The following CUBN variants were observed in gnomAD, a reference collection of about 807,000 sequenced individuals.
CUBN encodes 460 kDa receptor.
A neutral mutation model predicts 405.3 loss-of-function variants in CUBN; 282 were observed. The ratio of observed to expected loss-of-function variants is 0.70; its 90% confidence interval spans 0.63 to 0.77. The LOEUF (loss-of-function observed/expected upper bound fraction) is 0.77, where lower values mean the gene tolerates loss of function less well. CUBN is among the 30% of genes least tolerant of loss of function. The pLI, the probability that CUBN is intolerant of heterozygous loss-of-function variation, is 0.00. For missense variants in CUBN, 4,514 were observed against 4,475.2 expected (o/e 1.01, Z -0.25); for synonymous variants, 1,684 against 1,617.0 (o/e 1.04, Z -0.99).
At chr10:16,839,872 A>G (rs550882309) in intron 62 of CUBN, among the ~76,000 whole-genome samples, 1 of 152,246 alleles carries the variant, frequency 6.6e-6, no homozygotes, top group Non-Finnish European at 1.5e-5. Context: ...CACACCATGG[A>G]ATACTATGCA....
intron 19 of CUBN, among the ~76,000 whole-genome samples, 197 bp from the exon 20 acceptor site, chr10:17,068,967 C>T (rs1184714055): frequency 6.6e-6 from 1 of 152,132 alleles, no homozygotes; most frequent in Non-Finnish European, 1.5e-5. Context: ...AAACCACAGC[C>T]CCAGGCAGCC....
Position 16,900,630 on chromosome 10 carries a change from G to C in CUBN, c.8405C>G (p.Thr2802Ser). 6 of 1,610,736 alleles carry C rather than the reference G, an allele frequency of 3.7e-6. No homozygotes were observed. In the African/African-American group the frequency reaches 6.7e-5, roughly 18 times the overall value. Residue 2802 changes from threonine (T) to serine (S), a missense_variant, in exon 53 of 67, where the codon ACT becomes AGT. Coordinates refer to ENST00000377833, the MANE Select transcript of CUBN (RefSeq NM_001081.4). ...GGAGCAAACATTTCTTTTACCTAAA[G>C]TTTGTGTGTTCCACGTAGCATAAAA... ...GGFYATWNTQ[T>S]LGCGGIFHSD...
intron 11 of CUBN, 53 bp from the exon 12 acceptor site, chr10:17,104,658 C>G: frequency 7.7e-7 from 1 of 1,299,390 alleles, no homozygotes; most frequent in Non-Finnish European, 1.1e-6. Flanking sequence ...AGACACTAAA[C>G]TTTAATCAAC....
chr10:16,941,560 T>C (rs562933962), intron 36 of CUBN, among the ~76,000 whole-genome samples: 1 of 152,234 alleles, frequency 6.6e-6, no homozygotes, highest in East Asian at 1.9e-4. Flanking sequence ...AGAAAATGAA[T>C]AGGCTGCGTG....
rs561949087 is a variant in CUBN at position 16,969,878 on chromosome 10, G to C, written c.4695+12606C>G. Among the ~76,000 whole-genome samples, 9 of 152,270 alleles carry C rather than the reference G, an allele frequency of 5.9e-5. No individual in the cohort carries two copies. In the South Asian group the frequency reaches 6.2e-4, roughly 11 times the overall value. On this transcript the variant is annotated intron_variant, in intron 31 of 66. Transcript: ENST00000377833. ...CATGTGAAGCCTGGTGGCTGCCTGA[G>C]GTTGACTTCAACTTTGAGGATGAAA... is the stretch of plus-strand genomic sequence containing the variant.
intron 28 of CUBN, among the ~76,000 whole-genome samples, chr10:16,994,765 T>C (rs1252928825): frequency 6.6e-6 from 1 of 152,108 alleles, no homozygotes; most frequent in Non-Finnish European, 1.5e-5. Flanking sequence ...GAAAAGCCTT[T>C]CAAAAGAAGA....
chr10:16,829,959 G>A lies in CUBN; in HGVS notation c.10529-919C>T, dbSNP rs1436794861. ...TTTGTTTTGTTTTTTTTTTTGAGAC[G>A]GAGTCTTGCTCCGTCACCCAGGCTG... is the stretch of plus-strand genomic sequence containing the variant. On this transcript the variant is annotated intron_variant, in intron 65 of 66. Coordinates refer to ENST00000377833, the MANE Select transcript of CUBN (RefSeq NM_001081.4). Among the ~76,000 whole-genome samples, 15 of 149,542 alleles carry A rather than the reference G, an allele frequency of 1.0e-4. No individual in the cohort carries two copies. In the South Asian group the frequency reaches 1.9e-3, roughly 19 times the overall value.
intron 48 of CUBN, 81 bp from the exon 49 acceptor site, chr10:16,907,760 AC>A: frequency 1.4e-6 from 2 of 1,462,340 alleles, no homozygotes; most frequent in Non-Finnish European, 1.9e-6. Flanking sequence ...TCCAGCCCAG[AC>A]CCACTTCCTT....
At chr10:17,049,667 C>T (rs1835218297) in intron 22 of CUBN, among the ~76,000 whole-genome samples, 1 of 152,094 alleles carries the variant, frequency 6.6e-6, no homozygotes, top group African/African-American at 2.4e-5. Context: ...TGATGTGTTC[C>T]AATGATATTT....
chr10:16,961,076 T>G (rs1406519424), intron 31 of CUBN, among the ~76,000 whole-genome samples: 1 of 152,164 alleles, frequency 6.6e-6, no homozygotes, highest in Non-Finnish European at 1.5e-5. Flanking sequence ...TAATTAGTAT[T>G]ATAATTGTTA....
At chr10:16,845,303 A>C (rs1839479881) in intron 60 of CUBN, among the ~76,000 whole-genome samples, 2 of 152,198 alleles carry the variant, frequency 1.3e-5, no homozygotes, top group African/African-American at 2.4e-5. Flanking sequence ...TTATCTTTTA[A>C]TATTTTCCTG....
intron 29 of CUBN, among the ~76,000 whole-genome samples, chr10:16,985,372 T>C (rs1278142155): frequency 2.0e-5 from 3 of 152,164 alleles, no homozygotes; most frequent in Non-Finnish European, 4.4e-5. Flanking sequence ...ACAGCGAAAC[T>C]CTATGGGGAA....
At chr10:17,100,967 T>C (rs1275110275) in intron 13 of CUBN, among the ~76,000 whole-genome samples, 3 of 152,210 alleles carry the variant, frequency 2.0e-5, no homozygotes, top group Admixed American at 6.5e-5. Context: ...ACTTCAAATA[T>C]AGTAATATAA....
At chr10:16,880,678 T>G (rs1041926975) in intron 56 of CUBN, among the ~76,000 whole-genome samples, 3 of 152,230 alleles carry the variant, frequency 2.0e-5, no homozygotes, top group Admixed American at 6.5e-5. Context: ...AAAAAGCATC[T>G]CTGTGCATTA....
At chr10:16,982,899 A>G (rs1188464268) in intron 30 of CUBN, among the ~76,000 whole-genome samples, 1 of 152,226 alleles carries the variant, frequency 6.6e-6, no homozygotes, top group African/African-American at 2.4e-5. Context: ...TTTTAAAAAT[A>G]ATTAAAAGGA....
At chr10:16,849,995 A>C (rs1839637352) in intron 60 of CUBN, among the ~76,000 whole-genome samples, 1 of 152,180 alleles carries the variant, frequency 6.6e-6, no homozygotes. Flanking sequence ...CTTTAGCACT[A>C]TTCTGCTTCA....
At chr10:17,069,775 C>T (rs1286447513) in intron 19 of CUBN, among the ~76,000 whole-genome samples, 2 of 152,194 alleles carry the variant, frequency 1.3e-5, no homozygotes, top group Non-Finnish European at 2.9e-5. Flanking sequence ...AACTCCTGAG[C>T]TCAAGTAATT....
chr10:16,841,024 A>G lies in CUBN; in HGVS notation c.9687T>C (p.Asn3229=). 1 of 1,614,152 alleles carries G rather than the reference A, an allele frequency of 6.2e-7. No homozygotes were observed. Among genetic ancestry groups the G allele is most frequent in the Non-Finnish European group, 8.5e-7 (1 of 1,180,014 alleles). ...CACAAAACGTTCCAGCCAAGTTCGC[A>G]TTTTCACTATCCCCATCATATAACT... ...YVKLYDGDSE[N]ANLAGTFCGS... Residue 3229 remains asparagine (N), a synonymous_variant, in exon 61 of 67, where the codon AAT becomes AAC. Transcript: ENST00000377833.
intron 40 of CUBN, among the ~76,000 whole-genome samples, chr10:16,929,820 A>G (rs1241734767): frequency 6.6e-6 from 1 of 152,162 alleles, no homozygotes; most frequent in Non-Finnish European, 1.5e-5. Context: ...AGTTTATTAT[A>G]TGTTATTAGT....
Sources: gnomAD v4.1 joint callset for allele counts (sites outside exome capture counted in the v4.1 genomes callset) on GRCh38, gnomAD v4.1.1 for gene constraint, MANE v1.5 for transcripts, NCBI Gene and HGNC (gene_info 2026-07-23, HGNC 2026-07-21) for gene names.